COL2A1: variants seen among roughly 807,000 people sequenced by gnomAD.
COL2A1 encodes collagen alpha-1(II) chain.
COL2A1 carries 28 observed loss-of-function variants against 204.5 expected under a neutral mutation model. The observed-to-expected ratio is 0.14, with a 90% CI of 0.10 to 0.19. COL2A1 has a LOEUF of 0.19. Ranked by LOEUF, COL2A1 falls within the 10% of genes least tolerant of loss-of-function variation. The pLI, the probability that COL2A1 is intolerant of heterozygous loss-of-function variation, is 1.00. For synonymous variants in COL2A1, 708 were observed against 718.7 expected (o/e 0.99, Z 0.24); for missense variants, 1,388 against 2,027.5 (o/e 0.68, Z 6.06).
At chr12:47,983,599 C>T (rs1017340078) in intron 30 of COL2A1, 84 bp downstream of exon 30, 2 of 1,493,002 alleles carry the variant, frequency 1.3e-6, no homozygotes, top group African/African-American at 2.8e-5. Context: ...AGGTGTGGGC[C>T]CTCCACCGAT....
At chr12:47,985,483 C>A (rs899079212) in intron 26 of COL2A1, 51 bp downstream of exon 26, 7 of 1,572,022 alleles carry the variant, frequency 4.5e-6, no homozygotes, top group Admixed American at 1.7e-5. Flanking sequence ...TCCCTTGCTT[C>A]CCCAGGGAGA....
chr12:47,997,704 C>A lies in COL2A1; in HGVS notation c.433G>T (p.Ala145Ser). ...CCATCTCTGCCACGAGGTCCAGGGG[C>A]ACCCTTGGCATAAAGAGAAAAAGGC... Reference protein sequence around the residue: ...GDRGDKGEKGAPGPRGRDGEP... With the variant: ...GDRGDKGEKGSPGPRGRDGEP... Residue 145 changes from alanine to serine, a missense_variant, in exon 7 of 54, where the codon GCC becomes TCC. Transcript: ENST00000380518. 6.2e-7 allele frequency: 1 copy of A among 1,614,074 alleles called. No homozygotes were observed. Among genetic ancestry groups the A allele is most frequent in the Non-Finnish European group, 8.5e-7 (1 of 1,180,020 alleles).
intron 25 of COL2A1, 54 bp downstream of exon 25, chr12:47,985,674 C>A (rs1464939018): frequency 3.7e-6 from 6 of 1,610,154 alleles, no homozygotes; most frequent in East Asian, 2.2e-5. Flanking sequence ...AAGGAGCCAG[C>A]CAGGAAGGGC....
At chr12:48,002,378 C>G (rs1940274802) in intron 1 of COL2A1, among the ~76,000 whole-genome samples, 3 of 152,200 alleles carry the variant, frequency 2.0e-5, no homozygotes, top group African/African-American at 4.8e-5. Flanking sequence ...GACGTCCACG[C>G]AGACTGCGCA....
intron 13 of COL2A1, 24 bp downstream of exon 13, chr12:47,993,970 A>G: frequency 1.9e-6 from 3 of 1,614,112 alleles, no homozygotes; most frequent in East Asian, 2.2e-5. Context: ...TCTTCCTTCC[A>G]ACCTTCTCAC....
Position 47,985,783 on chromosome 12 carries a change from T to G in COL2A1, c.1625A>C (p.Lys542Thr). 6.2e-7 allele frequency: 1 copy of G among 1,613,532 alleles called. No individual in the cohort carries two copies. The highest frequency in any genetic ancestry group is 1.3e-5 in the African/African-American group (1 of 75,020). ...ERGPSGLAGP[K>T]GANGDPGRPG... ...ACGGCCAGGGTCACCGTTGGCTCCC[T>G]TGGGGCCAGCAAGACCACTGGGCCC... is the stretch of plus-strand genomic sequence containing the variant. Residue 542 changes from lysine to threonine, a missense_variant, in exon 25 of 54, where the codon AAG becomes ACG. Transcript: ENST00000380518.
chr12:47,979,646 C>A, intron 40 of COL2A1, 82 bp from the exon 41 acceptor site: 1 of 897,428 alleles, frequency 1.1e-6, no homozygotes, highest in Non-Finnish European at 1.8e-6. Context: ...CGGGGGTGGT[C>A]TCAGAGCCTG....
At chr12:47,979,948 G>A (rs1938950418) in intron 40 of COL2A1, 61 bp downstream of exon 40, 1 of 1,438,312 alleles carries the variant, frequency 7.0e-7, no homozygotes, top group South Asian at 1.2e-5. Context: ...CCCGCCATGG[G>A]AGCCTCTGGG....
intron 26 of COL2A1, 40 bp downstream of exon 26, chr12:47,985,494 T>A: frequency 6.2e-7 from 1 of 1,601,238 alleles, no homozygotes; most frequent in African/African-American, 1.3e-5. Context: ...CCCAGGGAGA[T>A]CCCCCCACCC....
In COL2A1 at chr12:47,974,732, G is replaced by GCC; in HGVS notation, c.4016_4017insGG (p.Ser1339ArgfsTer38). ...AGATGTGTTTCTTCTCCTTGCTCTT[G>GCC]CTGCTCCACCAGTTCTTCTTGGGAA... is the stretch of plus-strand genomic sequence containing the variant. On this transcript the variant is annotated frameshift_variant, in exon 52 of 54. Transcript: ENST00000380518. LOFTEE classifies it high-confidence loss of function. The GCC allele has an allele frequency of 6.2e-7, 1 of 1,614,212 alleles. No homozygotes were observed. The highest frequency in any genetic ancestry group is 2.2e-5 in the East Asian group (1 of 44,890).
In COL2A1 at chr12:47,977,992, G is replaced by A. The variant is rs780650376; in HGVS notation, c.3111+18C>T. 2 of 1,608,528 alleles carry A rather than the reference G, an allele frequency of 1.2e-6. No homozygotes were observed. The highest frequency in any genetic ancestry group is 2.2e-5 in the East Asian group (1 of 44,804). ...CCTCTCCCCAATCAGGGCCACCCCA[G>A]GGGGTCTCACTGCTCACCTCTCGTC... On this transcript the variant is annotated intron_variant, in intron 44 of 53. Coordinates refer to ENST00000380518, the MANE Select transcript of COL2A1 (RefSeq NM_001844.5).
rs1940157547 is a variant in COL2A1, at chr12:48,000,045, C to G, written c.166G>C (p.Val56Leu). ...CAGAGGACAGTCCCAGTGTCACAGA[C>G]ACAGATCCGGCAGGGCTCCGGCTTC... ...VWKPEPCRICVCDTGTVLCDD... is the reference protein window; with the variant it reads ...VWKPEPCRICLCDTGTVLCDD... Residue 56 changes from valine (V) to leucine (L), a missense_variant, in exon 2 of 54, where the codon GTC becomes CTC. Val to Leu is a conservative substitution (Grantham distance 32). Around this residue, in one of 3 missense-constraint regions of COL2A1, gnomAD observed 201 missense variants for 242.4 expected, o/e 0.83. Coordinates refer to ENST00000380518, the MANE Select transcript of COL2A1 (RefSeq NM_001844.5). 1.2e-6 allele frequency: 2 copies of G among 1,613,914 alleles called. No homozygotes were observed. Among genetic ancestry groups the G allele is most frequent in the Admixed American group, 3.3e-5 (2 of 60,006 alleles).
At chr12:47,977,481 A>G in intron 45 of COL2A1, 54 bp from the exon 46 acceptor site, 1 of 1,584,960 alleles carries the variant, frequency 6.3e-7, no homozygotes, top group Non-Finnish European at 8.7e-7. Context: ...AGAGACAGGA[A>G]CAGAAGGTCC....
intron 1 of COL2A1, among the ~76,000 whole-genome samples, chr12:48,003,460 T>C (rs895392001): frequency 4.6e-5 from 7 of 152,214 alleles, no homozygotes; most frequent in Admixed American, 2.0e-4. Context: ...TCGGGGGCAT[T>C]TGAAAAGCAC....
intron 23 of COL2A1, 21 bp downstream of exon 23, chr12:47,986,315 G>A (rs2136570586): frequency 6.8e-7 from 1 of 1,475,124 alleles, no homozygotes; most frequent in Non-Finnish European, 9.3e-7. Context: ...CCATGGGATG[G>A]AGCCTCCACA....
At chr12:48,004,827 G>C (rs897646041), upstream of COL2A1, among the ~76,000 whole-genome samples, 6 of 152,246 alleles carry the variant, frequency 3.9e-5, no homozygotes, top group African/African-American at 1.4e-4. Context: ...GAGTTGGAGG[G>C]GAGGGGGTGT....
At chr12:47,989,700 G>A in intron 17 of COL2A1, 61 bp downstream of exon 17, 1 of 1,476,516 alleles carries the variant, frequency 6.8e-7, no homozygotes, top group Admixed American at 1.7e-5. Flanking sequence ...GACTGCCTTG[G>A]GCTGCTTAAC....
At chr12:47,983,072 A>T (rs1170346654) in intron 32 of COL2A1, 21 bp downstream of exon 32, 1 of 1,612,906 alleles carries the variant, frequency 6.2e-7, no homozygotes, top group African/African-American at 1.3e-5. Flanking sequence ...GGCAGCCCGC[A>T]TTGGCCAACA....
At chr12:47,997,456 C>T in intron 7 of COL2A1, 150 bp downstream of exon 7, 2 of 1,412,838 alleles carry the variant, frequency 1.4e-6, no homozygotes, top group African/African-American at 1.4e-5. Flanking sequence ...TGTGACTCTT[C>T]TAAATTACAG....
Sources: gnomAD v4.1 joint callset for allele counts (sites outside exome capture counted in the v4.1 genomes callset) on GRCh38, gnomAD v4.1.1 for gene constraint, gnomAD v4.1.1 regional missense constraint, MANE v1.5 for transcripts, NCBI Gene and HGNC (gene_info 2026-07-23, HGNC 2026-07-21) for gene names.